LDHAL6B: variants seen among roughly 807,000 people sequenced by gnomAD.
LDHAL6B encodes lactate dehydrogenase A like 6B.
For synonymous variants in LDHAL6B, 205 were observed against 170.6 expected, an observed-to-expected ratio of 1.20 and a Z score of -1.57; for missense variants, 523 against 473.9, an observed-to-expected ratio of 1.10 and a Z score of -0.96.
chr15:59,207,788 T>C lies in LDHAL6B; in HGVS notation c.848T>C (p.Val283Ala), dbSNP rs761105128. The C allele has an allele frequency of 6.2e-7, 1 of 1,614,184 alleles. No individual in the cohort carries two copies. Among genetic ancestry groups the C allele is most frequent in the African/African-American group, 1.3e-5 (1 of 75,054 alleles). ...PEQWKNVHKE[V>A]TATAYEIIKM... ...CAATGGAAAAATGTCCACAAAGAAG[T>C]GACTGCAACTGCCTATGAGATTATT... The change falls in exon 1 of 1, where the codon GTG becomes GCG. Residue 283 changes from valine to alanine, a missense_variant. Coordinates refer to ENST00000307144, the MANE Select transcript of LDHAL6B (RefSeq NM_033195.3).
At position 59,208,333 on chromosome 15, in the gene LDHAL6B, G is replaced by A. The variant is rs546581734; in HGVS notation, c.*247G>A. On this transcript the variant is annotated 3_prime_UTR_variant, in exon 1 of 1. Coordinates refer to ENST00000307144, the MANE Select transcript of LDHAL6B (RefSeq NM_033195.3). ...GCACTTGCCATGTTATATATATGTA[G>A]TTGGCATTTGGTTCCCAAAAAGTAG... is the stretch of plus-strand genomic sequence containing the variant. 7 of 559,234 alleles carry A rather than the reference G, an allele frequency of 1.3e-5. No homozygotes were observed. In the Admixed American group the frequency reaches 1.4e-4, roughly 11 times the overall value. 34.6% of individuals were successfully genotyped at this position (559,234 alleles called of 1,614,324 possible). A position where few individuals can be genotyped will look rare whatever the true frequency, so the allele number is the denominator to read the frequency against.
At chr15:59,207,734 C>CT in the LDHAL6B span, 1 of 1,614,102 alleles carries the variant, frequency 6.2e-7, no homozygotes, top group Non-Finnish European at 8.5e-7. Flanking sequence ...GATCTGAACT[C>CT]TGATATAGGA....
At position 59,207,706 on chromosome 15, in the gene LDHAL6B, G is replaced by A. The variant is rs763010359; in HGVS notation, c.766G>A (p.Ala256Thr). ...TCCTGTGTGGAGTGGAGTGAACATAGCTGGTGTCCCTTTGAAGGATCTGAA... is the reference window on the plus strand; with the variant it reads ...TCCTGTGTGGAGTGGAGTGAACATAACTGGTGTCCCTTTGAAGGATCTGAA... ...SVPVWSGVNIAGVPLKDLNSD... is the reference protein window; with the variant it reads ...SVPVWSGVNITGVPLKDLNSD... Residue 256 changes from alanine (A) to threonine (T), a missense_variant, in exon 1 of 1, where the codon GCT (alanine) becomes ACT (threonine). Physicochemically the swap from Ala to Thr is moderately conservative, Grantham distance 58. Coordinates refer to ENST00000307144, the MANE Select transcript of LDHAL6B (RefSeq NM_033195.3). The A allele has an allele frequency of 5.0e-6, 8 of 1,614,176 alleles. No homozygotes were observed. The East Asian group carries it at 1.3e-4, about 27-fold the overall frequency.
At position 59,207,529 on chromosome 15, in the gene LDHAL6B, T is replaced by C; in HGVS notation, c.589T>C (p.Trp197Arg). ...NPVDILTYVAWKLSAFPKNRI... is the reference protein window; with the variant it reads ...NPVDILTYVARKLSAFPKNRI... Reference sequence around the variant, plus strand: ...AGTGGATATCTTAACTTATGTAGCTTGGAAGTTGAGTGCATTTCCCAAAAA... The same window carrying C: ...AGTGGATATCTTAACTTATGTAGCTCGGAAGTTGAGTGCATTTCCCAAAAA... Residue 197 changes from tryptophan to arginine, a missense_variant, in exon 1 of 1, where the codon TGG (tryptophan) becomes CGG (arginine). Trp to Arg is a moderately radical substitution (Grantham distance 101). Transcript: ENST00000307144. The C allele has an allele frequency of 3.1e-6, 5 of 1,614,076 alleles. No homozygotes were observed. In the South Asian group the frequency reaches 5.5e-5, roughly 18 times the overall value.
In LDHAL6B at chr15:59,206,972, G is replaced by C; in HGVS notation, c.32G>C (p.Ser11Thr). 1.2e-6 allele frequency: 2 copies of C among 1,614,116 alleles called. No individual in the cohort carries two copies. The highest frequency in any genetic ancestry group is 1.7e-6 in the Non-Finnish European group (2 of 1,180,000). MSWTVPVVRA[S>T]QRVSSVGANF... is the part of the protein sequence containing the mutation. ...TGGACTGTGCCTGTTGTGCGGGCCAGCCAGAGAGTGAGCTCGGTGGGAGCG... is the reference window on the plus strand; with the variant it reads ...TGGACTGTGCCTGTTGTGCGGGCCACCCAGAGAGTGAGCTCGGTGGGAGCG... Residue 11 changes from serine to threonine, a missense_variant, in exon 1 of 1, where the codon AGC (serine) becomes ACC (threonine). Transcript: ENST00000307144.
chr15:59,208,431 C>G lies in LDHAL6B; in HGVS notation c.*345C>G. 1.7e-6 allele frequency: 1 copy of G among 586,438 alleles called. No individual in the cohort carries two copies. Among genetic ancestry groups the G allele is most frequent in the Non-Finnish European group, 3.1e-6 (1 of 325,450 alleles). 36.3% of individuals were successfully genotyped at this position (586,438 alleles called of 1,614,324 possible). A position where few individuals can be genotyped will look rare whatever the true frequency, so the allele number is the denominator to read the frequency against. On this transcript the variant is annotated 3_prime_UTR_variant, in exon 1 of 1. Coordinates refer to ENST00000307144, the MANE Select transcript of LDHAL6B (RefSeq NM_033195.3). ...ATATATGCTATTTCTTTCATTCTTG[C>G]TGGTTTATACCTATGTTCATTTATA...
Position 59,207,773 on chromosome 15 carries a change from A to T in LDHAL6B, c.833A>T (p.Asn278Ile). Reference sequence around the variant, plus strand: ...GATAAAGATCCTGAGCAATGGAAAAATGTCCACAAAGAAGTGACTGCAACT... The same window carrying T: ...GATAAAGATCCTGAGCAATGGAAAATTGTCCACAAAGAAGTGACTGCAACT... ...GTDKDPEQWK[N>I]VHKEVTATAY... The change falls in exon 1 of 1, where the codon AAT becomes ATT. Residue 278 changes from asparagine to isoleucine, a missense_variant. Asn to Ile is a moderately radical substitution (Grantham distance 149). Transcript: ENST00000307144. 1 of 1,614,218 alleles carries T rather than the reference A, an allele frequency of 6.2e-7. No homozygotes were observed. Among genetic ancestry groups the T allele is most frequent in the Non-Finnish European group, 8.5e-7 (1 of 1,180,050 alleles).
chr15:59,208,202 G>C lies in LDHAL6B; in HGVS notation c.*116G>C. 1.1e-6 allele frequency: 1 copy of C among 944,060 alleles called. No individual in the cohort carries two copies. Among genetic ancestry groups the C allele is most frequent in the Non-Finnish European group, 1.6e-6 (1 of 644,174 alleles). 58.5% of individuals were successfully genotyped at this position (944,060 alleles called of 1,614,324 possible). The stretch of plus-strand genomic sequence containing the variant: ...AGATGGAAACAGGAAAGTAGGTAGA[G>C]TGATTTTCCTATTTATTTAGTCCTC... On this transcript the variant is annotated 3_prime_UTR_variant, in exon 1 of 1. Transcript: ENST00000307144.
chr15:59,206,974 C>G lies in LDHAL6B; in HGVS notation c.34C>G (p.Gln12Glu). Residue 12 changes from glutamine (Q) to glutamate (E), a missense_variant, in exon 1 of 1, where the codon CAG becomes GAG. By Grantham distance (29) the Gln-to-Glu change is conservative. Coordinates refer to ENST00000307144, the MANE Select transcript of LDHAL6B (RefSeq NM_033195.3). ...SWTVPVVRASQRVSSVGANFL... is the reference protein window; with the variant it reads ...SWTVPVVRASERVSSVGANFL... ...GACTGTGCCTGTTGTGCGGGCCAGC[C>G]AGAGAGTGAGCTCGGTGGGAGCGAA... is the stretch of plus-strand genomic sequence containing the variant. The G allele has an allele frequency of 6.2e-7, 1 of 1,614,104 alleles. No individual in the cohort carries two copies. Among genetic ancestry groups the G allele is most frequent in the Non-Finnish European group, 8.5e-7 (1 of 1,180,002 alleles).
At position 59,208,154 on chromosome 15, in the gene LDHAL6B, T is replaced by C. The variant is rs2079852946; in HGVS notation, c.*68T>C. On this transcript the variant is annotated 3_prime_UTR_variant, in exon 1 of 1. Transcript: ENST00000307144. ...AGATACAGGATTATATAACGAAATT[T>C]TGAATAAACTTGAATTCCTAAAAGA... 3.0e-6 allele frequency: 4 copies of C among 1,317,692 alleles called. No individual in the cohort carries two copies. The highest frequency in any genetic ancestry group is 4.1e-6 in the Non-Finnish European group (4 of 967,676). 81.6% of individuals were successfully genotyped at this position (1,317,692 alleles called of 1,614,324 possible). A position where few individuals can be genotyped will look rare whatever the true frequency, so the allele number is the denominator to read the frequency against.
Position 59,207,023 on chromosome 15 carries a change from T to G in LDHAL6B, c.83T>G (p.Leu28Arg), listed in dbSNP as rs1435226124. Reference sequence around the variant, plus strand: ...AATTTCCTATGCCTGGGGATGGCCCTGTGTCCGCGTCAAGCAACGCGCATC... The same window carrying G: ...AATTTCCTATGCCTGGGGATGGCCCGGTGTCCGCGTCAAGCAACGCGCATC... Reference protein sequence around the residue: ...GANFLCLGMALCPRQATRIPL... With the variant: ...GANFLCLGMARCPRQATRIPL... The change falls in exon 1 of 1, where the codon CTG (leucine) becomes CGG (arginine). Residue 28 changes from leucine (L) to arginine (R), a missense_variant. Leu to Arg is a moderately radical substitution (Grantham distance 102). Transcript: ENST00000307144. 1 of 1,613,646 alleles carries G rather than the reference T, an allele frequency of 6.2e-7. No homozygotes were observed. Among genetic ancestry groups the G allele is most frequent in the Non-Finnish European group, 8.5e-7 (1 of 1,180,014 alleles).
In LDHAL6B at chr15:59,208,061, A is replaced by G. The variant is rs1330770781; in HGVS notation, c.1121A>G (p.Glu374Gly). 1.3e-6 allele frequency: 2 copies of G among 1,584,284 alleles called. No homozygotes were observed. Among genetic ancestry groups the G allele is most frequent in the East Asian group, 2.2e-5 (1 of 44,786 alleles). The change falls in exon 1 of 1, where the codon GAA becomes GGA. Residue 374 changes from glutamate to glycine, a missense_variant. Coordinates refer to ENST00000307144, the MANE Select transcript of LDHAL6B (RefSeq NM_033195.3). The stretch of plus-strand genomic sequence containing the variant: ...AAAAAAAGTGCAAAAACACTCTGGG[A>G]AATTCAGAATAAGCTTAAGCTTTAA... ...HLKKSAKTLW[E>G]IQNKLKL
At position 59,207,868 on chromosome 15, in the gene LDHAL6B, G is replaced by C. The variant is rs200340314; in HGVS notation, c.928G>C (p.Glu310Gln). 1,763 of 1,614,080 alleles carry C rather than the reference G, an allele frequency of 1.1e-3. 4 individuals are homozygous for C. Among genetic ancestry groups the C allele is most frequent in the Non-Finnish European group, 1.4e-3 (1,640 of 1,180,036 alleles). ...TGGCCTATCTGTGGCCGATTTAACAGAAAGTATTTTGAAGAATCTTAGGAG... is the reference window on the plus strand; with the variant it reads ...TGGCCTATCTGTGGCCGATTTAACACAAAGTATTTTGAAGAATCTTAGGAG... ...AIGLSVADLTESILKNLRRIH... is the reference protein window; with the variant it reads ...AIGLSVADLTQSILKNLRRIH... The change falls in exon 1 of 1, where the codon GAA (glutamate) becomes CAA (glutamine). Residue 310 changes from glutamate to glutamine, a missense_variant. Physicochemically the swap from Glu to Gln is conservative, Grantham distance 29 (BLOSUM62 2). Transcript: ENST00000307144.
In LDHAL6B at chr15:59,206,988, G is replaced by C; in HGVS notation, c.48G>C (p.Ser16=). 6.2e-7 allele frequency: 1 copy of C among 1,614,142 alleles called. No homozygotes were observed. Among genetic ancestry groups the C allele is most frequent in the Non-Finnish European group, 8.5e-7 (1 of 1,179,998 alleles). Residue 16 remains serine, a synonymous_variant, in exon 1 of 1, where the codon TCG becomes TCC. Coordinates refer to ENST00000307144, the MANE Select transcript of LDHAL6B (RefSeq NM_033195.3). The stretch of plus-strand genomic sequence containing the variant: ...TGCGGGCCAGCCAGAGAGTGAGCTC[G>C]GTGGGAGCGAATTTCCTATGCCTGG... The part of the protein sequence containing the change: ...PVVRASQRVS[S]VGANFLCLGM...
At position 59,207,581 on chromosome 15, in the gene LDHAL6B, T is replaced by G; in HGVS notation, c.641T>G (p.Leu214Arg). 1 of 1,614,182 alleles carries G rather than the reference T, an allele frequency of 6.2e-7. No homozygotes were observed. The highest frequency in any genetic ancestry group is 8.5e-7 in the Non-Finnish European group (1 of 1,180,010). ...KNRIIGSGCNLDTARFRFLIG... is the reference protein window; with the variant it reads ...KNRIIGSGCNRDTARFRFLIG... Reference sequence around the variant, plus strand: ...CGTATTATTGGAAGCGGCTGTAATCTGGATACTGCTCGTTTTCGTTTCTTG... The same window carrying G: ...CGTATTATTGGAAGCGGCTGTAATCGGGATACTGCTCGTTTTCGTTTCTTG... Residue 214 changes from leucine (L) to arginine (R), a missense_variant, in exon 1 of 1, where the codon CTG becomes CGG. Coordinates refer to ENST00000307144, the MANE Select transcript of LDHAL6B (RefSeq NM_033195.3).
chr15:59,208,002 G>T lies in LDHAL6B; in HGVS notation c.1062G>T (p.Lys354Asn). ...AGAACGGTATTACCAACCTTATAAA[G>T]ATAAAGCTGACCCCTGAAGAAGAGG... Reference protein sequence around the residue: ...LGENGITNLIKIKLTPEEEAH... With the variant: ...LGENGITNLINIKLTPEEEAH... Residue 354 changes from lysine (K) to asparagine (N), a missense_variant, in exon 1 of 1, where the codon AAG becomes AAT. Physicochemically the swap from Lys to Asn is moderately conservative, Grantham distance 94. Transcript: ENST00000307144. The T allele has an allele frequency of 1.2e-6, 2 of 1,612,572 alleles. No individual in the cohort carries two copies. The highest frequency in any genetic ancestry group is 1.7e-6 in the Non-Finnish European group (2 of 1,179,678).
Position 59,208,187 on chromosome 15 carries a change from A to G in LDHAL6B, c.*101A>G. 9.3e-7 allele frequency: 1 copy of G among 1,074,836 alleles called. No individual in the cohort carries two copies. The allele number at this position is 1,074,836 out of a possible 1,614,324, so 66.6% of individuals were successfully genotyped here. On this transcript the variant is annotated 3_prime_UTR_variant, in exon 1 of 1. Coordinates refer to ENST00000307144, the MANE Select transcript of LDHAL6B (RefSeq NM_033195.3). ...ACTTGAATTCCTAAAAGATGGAAACAGGAAAGTAGGTAGAGTGATTTTCCT... is the reference window on the plus strand; with the variant it reads ...ACTTGAATTCCTAAAAGATGGAAACGGGAAAGTAGGTAGAGTGATTTTCCT...
Position 59,208,293 on chromosome 15 carries a change from A to C in LDHAL6B, c.*207A>C, listed in dbSNP as rs1384871346. 3 of 578,710 alleles carry C rather than the reference A, an allele frequency of 5.2e-6. No homozygotes were observed. In the East Asian group the frequency reaches 9.2e-5, roughly 18 times the overall value. 35.8% of individuals were successfully genotyped at this position (578,710 alleles called of 1,614,324 possible). A position where few individuals can be genotyped will look rare whatever the true frequency, so the allele number is the denominator to read the frequency against. Reference sequence around the variant, plus strand: ...TTTACAATTCCTAAGTATTTTTGGTACCTCTGATGTAGCAGCACTTGCCAT... The same window carrying C: ...TTTACAATTCCTAAGTATTTTTGGTCCCTCTGATGTAGCAGCACTTGCCAT... On this transcript the variant is annotated 3_prime_UTR_variant, in exon 1 of 1. Coordinates refer to ENST00000307144, the MANE Select transcript of LDHAL6B (RefSeq NM_033195.3).
chr15:59,206,963 TG>T, the LDHAL6B span: 2 of 1,613,894 alleles, frequency 1.2e-6, no homozygotes, highest in Non-Finnish European at 1.7e-6. Flanking sequence ...GTGCCTGTTG[TG>T]CGGGCCAGCC....
Sources: gnomAD v4.1 joint callset for allele counts on GRCh38, gnomAD v4.1.1 for gene constraint, MANE v1.5 for transcripts, NCBI Gene and HGNC (gene_info 2026-07-23, HGNC 2026-07-21) for gene names.